Variants in QNG1 observed in about 807,000 individuals in gnomAD.
QNG1 encodes queuosine 5'-phosphate N-glycosylase/hydrolase.
At chr9:83,943,348 A>G in the QNG1 span, among the ~76,000 whole-genome samples, 2 of 147,950 alleles carry the variant, frequency 1.4e-5, no homozygotes, top group Non-Finnish European at 3.0e-5. Context: ...AAAAAAAAAA[A>G]AAAAAAAAAA....
At chr9:83,944,564 T>C in the QNG1 span, among the ~76,000 whole-genome samples, 7 of 152,250 alleles carry the variant, frequency 4.6e-5, no homozygotes, top group African/African-American at 1.4e-4. Context: ...CATTAGGCTA[T>C]GAAATTATAA....
At chr9:83,956,304 T>C in the QNG1 span, 27 of 1,613,974 alleles carry the variant, frequency 1.7e-5, no homozygotes, top group Admixed American at 3.0e-4. Flanking sequence ...GAACACCCAG[T>C]TGACCGCGGC....
chr9:83,955,254 T>C, the QNG1 span: 3 of 934,622 alleles, frequency 3.2e-6, no homozygotes, highest in African/African-American at 5.0e-5. Flanking sequence ...TACTTGATTT[T>C]GTTAGTTTCT....
At chr9:83,955,425 C>T in the QNG1 span, 2 of 1,614,172 alleles carry the variant, frequency 1.2e-6, no homozygotes, top group Non-Finnish European at 8.5e-7. Context: ...CTTTCAACCA[C>T]CAGGTGCATT....
chr9:83,953,868 A>AAT, the QNG1 span: 1 of 1,383,270 alleles, frequency 7.2e-7, no homozygotes, highest in South Asian at 1.2e-5. Flanking sequence ...GAAAACACAA[A>AAT]ATATATATAC....
chr9:83,943,838 G>A, the QNG1 span, among the ~76,000 whole-genome samples: 10 of 151,222 alleles, frequency 6.6e-5, no homozygotes, highest in Admixed American at 6.6e-5. Context: ...TGGCTAACAC[G>A]GTGAAACCCC....
chr9:83,952,757 T>A, the QNG1 span, among the ~76,000 whole-genome samples: 1 of 143,478 alleles, frequency 7.0e-6, no homozygotes, highest in African/African-American at 2.6e-5. Flanking sequence ...ATCGCGCCAC[T>A]GCACTCCAGC....
the QNG1 span, among the ~76,000 whole-genome samples, chr9:83,945,345 G>A: frequency 5.4e-5 from 8 of 148,830 alleles, no homozygotes; most frequent in Non-Finnish European, 1.0e-4. Flanking sequence ...AGCCTGCAGT[G>A]AACTGTGATC....
At chr9:83,956,710 G>A in the QNG1 span, 1 of 436,312 alleles carries the variant, frequency 2.3e-6, no homozygotes, top group Non-Finnish European at 4.0e-6. Flanking sequence ...AGACCCCGGG[G>A]CAGCTCGCTG....
At chr9:83,941,099 C>T in the QNG1 span, among the ~76,000 whole-genome samples, 1 of 152,218 alleles carries the variant, frequency 6.6e-6, no homozygotes, top group Non-Finnish European at 1.5e-5. Context: ...TCAGGTAAGA[C>T]ACTGCTCCAC....
the QNG1 span, among the ~76,000 whole-genome samples, chr9:83,942,651 C>T: frequency 6.6e-6 from 1 of 152,232 alleles, no homozygotes; most frequent in Non-Finnish European, 1.5e-5. Context: ...TGTTACATTA[C>T]ATTTACAGTT....
At chr9:83,950,764 T>G in the QNG1 span, among the ~76,000 whole-genome samples, 3 of 151,912 alleles carry the variant, frequency 2.0e-5, no homozygotes, top group African/African-American at 7.3e-5. Context: ...CAAGGCCAGT[T>G]AATTTTCTTG....
chr9:83,942,830 GC>G, the QNG1 span, among the ~76,000 whole-genome samples: 1 of 152,308 alleles, frequency 6.6e-6, no homozygotes, highest in South Asian at 2.1e-4. Context: ...AGTAATGAGT[GC>G]CAGTGGATAT....
chr9:83,955,390 A>G, the QNG1 span: 2 of 1,613,780 alleles, frequency 1.2e-6, no homozygotes, highest in Admixed American at 1.7e-5. Flanking sequence ...CCTCAAACAG[A>G]GTCACATCTC....
At chr9:83,948,216 G>A in the QNG1 span, among the ~76,000 whole-genome samples, 1 of 151,788 alleles carries the variant, frequency 6.6e-6, no homozygotes, top group Non-Finnish European at 1.5e-5. Flanking sequence ...CCCCGTCTGG[G>A]AGGTGAGGAG....
At chr9:83,941,993 C>T in the QNG1 span, among the ~76,000 whole-genome samples, 19 of 152,144 alleles carry the variant, frequency 1.2e-4, no homozygotes, top group East Asian at 2.5e-3. Context: ...AGCTACAAAC[C>T]AAGGAATGTC....
chr9:83,946,406 T>A, the QNG1 span, among the ~76,000 whole-genome samples: 1 of 152,288 alleles, frequency 6.6e-6, no homozygotes, highest in East Asian at 1.9e-4. Flanking sequence ...ACTGTTTCCT[T>A]TCAGATAATA....
chr9:83,947,564 G>A, the QNG1 span, among the ~76,000 whole-genome samples: 1 of 152,228 alleles, frequency 6.6e-6, no homozygotes, highest in Admixed American at 6.5e-5. Context: ...CTGATGCCGA[G>A]GGGAGGCTGG....
the QNG1 span, among the ~76,000 whole-genome samples, chr9:83,948,249 C>G: frequency 1.3e-5 from 2 of 151,474 alleles, no homozygotes; most frequent in Non-Finnish European, 2.9e-5. Context: ...GCCGCCCCGT[C>G]TGAGAAGTGA....
Sources: gnomAD v4.1 joint callset for allele counts (sites outside exome capture counted in the v4.1 genomes callset) on GRCh38, gnomAD v4.1.1 for gene constraint, MANE v1.5 for transcripts, NCBI Gene and HGNC (gene_info 2026-07-23, HGNC 2026-07-21) for gene names.